Variants in PCSK6 observed in about 807,000 individuals in gnomAD.
PCSK6 encodes the protein proprotein convertase subtilisin/kexin type 6, also known as paired basic amino acid cleaving enzyme 4.
PCSK6 carries 85 observed loss-of-function variants against 123.3 expected under a neutral mutation model. The observed-to-expected ratio is 0.69, with a 90% CI of 0.58 to 0.83. PCSK6 has a LOEUF of 0.83. Ranked by LOEUF, PCSK6 falls within the 40% of genes least tolerant of loss-of-function variation. PCSK6 has a pLI of 0.00. For synonymous variants in PCSK6, 508 were observed against 516.0 expected (o/e 0.98, Z 0.21); for missense variants, 1,191 against 1,282.3 (o/e 0.93, Z 1.09).
chr15:101,419,153 C>G (rs2055993743), intron 6 of PCSK6, among the ~76,000 whole-genome samples: 2 of 151,396 alleles, frequency 1.3e-5, no homozygotes, highest in South Asian at 4.2e-4. Context: ...ATAAAACCAC[C>G]ATTATATTTA....
At chr15:101,347,830 G>T in intron 13 of PCSK6, 1 of 1,449,656 alleles carries the variant, frequency 6.9e-7, no homozygotes, top group Non-Finnish European at 9.7e-7. Flanking sequence ...TTATTGGGAG[G>T]TGCAATCCCA....
intron 4 of PCSK6, among the ~76,000 whole-genome samples, chr15:101,430,431 G>A (rs1424726928): frequency 6.6e-6 from 1 of 152,198 alleles, no homozygotes; most frequent in East Asian, 1.9e-4. Flanking sequence ...GCTACTCCGA[G>A]TCACTCGTGT....
intron 8 of PCSK6, among the ~76,000 whole-genome samples, chr15:101,392,509 C>T (rs772420380): frequency 6.6e-6 from 1 of 151,024 alleles, no homozygotes; most frequent in Non-Finnish European, 1.5e-5. Flanking sequence ...GCTCCACAGT[C>T]TCATTTTTAA....
chr15:101,305,259 T>A lies in PCSK6; in HGVS notation c.2909A>T (p.Ter970LeuextTer64). The change falls in exon 22 of 22, where the codon TAA becomes TTA. Residue 970 changes from the stop codon to leucine, a stop_lost. Transcript: ENST00000611716. The surrounding 1 kb of genome is among the most constrained non-coding windows in gnomAD (Gnocchi z 4.8). ...CCCTCTGTGGGCAGCTAGGCACCCT[T>A]ACCCGGCCAGGAGGCACGTGCGGCA... is the stretch of plus-strand genomic sequence containing the variant. The part of the protein sequence containing the change: ...FCCRTCLLAG[*>L] The A allele has an allele frequency of 6.2e-7, 1 of 1,609,730 alleles. No individual in the cohort carries two copies. Among genetic ancestry groups the A allele is most frequent in the Non-Finnish European group, 8.5e-7 (1 of 1,178,976 alleles).
chr15:101,312,275 C>A, intron 20 of PCSK6: 1 of 151,866 alleles, frequency 6.6e-6, no homozygotes, highest in South Asian at 2.1e-4. Flanking sequence ...GTCCTGAGTT[C>A]ATGATCTCCC....
chr15:101,335,064 A>G (rs1237948756), intron 13 of PCSK6, among the ~76,000 whole-genome samples: 1 of 152,162 alleles, frequency 6.6e-6, no homozygotes, highest in Non-Finnish European at 1.5e-5. Context: ...GGCTCAAGCC[A>G]TCCTCCCACC....
chr15:101,486,287 A>G (rs1005131755), intron 1 of PCSK6, among the ~76,000 whole-genome samples: 10 of 152,118 alleles, frequency 6.6e-5, no homozygotes, highest in Admixed American at 3.3e-4. Flanking sequence ...TCTTCTAAAT[A>G]TTTTATGTTT....
chr15:101,440,049 A>G (rs942460969), intron 2 of PCSK6, among the ~76,000 whole-genome samples: 1 of 152,208 alleles, frequency 6.6e-6, no homozygotes, highest in Non-Finnish European at 1.5e-5. Flanking sequence ...AATCAGAACA[A>G]GTAATTTTAA....
chr15:101,470,871 C>T (rs1441302570), intron 1 of PCSK6, among the ~76,000 whole-genome samples: 1 of 152,166 alleles, frequency 6.6e-6, no homozygotes, highest in Non-Finnish European at 1.5e-5. Flanking sequence ...CCCTTCAATT[C>T]AACAACTCGA....
intron 6 of PCSK6, among the ~76,000 whole-genome samples, chr15:101,421,314 A>G (rs1381229652): frequency 6.6e-6 from 1 of 152,204 alleles, no homozygotes; most frequent in African/African-American, 2.4e-5. Context: ...ATGTGACAAC[A>G]TTTATAAGGA....
chr15:101,413,051 T>C (rs1169144161), intron 6 of PCSK6, among the ~76,000 whole-genome samples: 3 of 148,536 alleles, frequency 2.0e-5, no homozygotes, highest in Non-Finnish European at 3.0e-5. Context: ...GGAAAAAAAG[T>C]AGTGGGGGCT....
At chr15:101,443,864 A>G (rs1259963971) in intron 1 of PCSK6, among the ~76,000 whole-genome samples, 3 of 152,350 alleles carry the variant, frequency 2.0e-5, no homozygotes, top group African/African-American at 7.2e-5. Context: ...ATTTTTAGAT[A>G]AATAACACTA....
chr15:101,444,346 G>A (rs1045008519), intron 1 of PCSK6, among the ~76,000 whole-genome samples: 1 of 152,122 alleles, frequency 6.6e-6, no homozygotes, highest in Non-Finnish European at 1.5e-5. Flanking sequence ...TTGTCCTCAC[G>A]TCTGTCCGGG....
In PCSK6 at chr15:101,463,000, C is replaced by A. The variant is rs189702813; in HGVS notation, c.298-19340G>T. The stretch of plus-strand genomic sequence containing the variant: ...GTGCAGAGGAGGGCCGTTTCCTCCT[C>A]CGTGTTGGGAGAGTTGTCTCTGCAG... On this transcript the variant is annotated intron_variant, in intron 1 of 21. Transcript: ENST00000611716. The A allele has an allele frequency of 2.1e-3, 956 of 458,028 alleles. 9 individuals are homozygous for A. The highest frequency in any genetic ancestry group is 0.017 in the African/African-American group (870 of 49,996). The allele number at this position is 458,028 out of a possible 1,614,324, so 28.4% of individuals were successfully genotyped here. A position where few individuals can be genotyped will look rare whatever the true frequency, so the allele number is the denominator to read the frequency against.
chr15:101,306,901 A>G (rs2039734910), intron 21 of PCSK6, among the ~76,000 whole-genome samples: 1 of 152,192 alleles, frequency 6.6e-6, no homozygotes, highest in Admixed American at 6.5e-5. Flanking sequence ...CATCCGGGCC[A>G]CCGGCGGCCT....
intron 20 of PCSK6, among the ~76,000 whole-genome samples, chr15:101,310,664 C>T (rs181366623): frequency 6.6e-6 from 1 of 152,254 alleles, no homozygotes; most frequent in Non-Finnish European, 1.5e-5. Context: ...TGCCGAGATA[C>T]GTAACCGCCA....
chr15:101,389,737 G>A (rs964946596), intron 8 of PCSK6, among the ~76,000 whole-genome samples, 173 bp from the exon 9 acceptor site: 1 of 152,170 alleles, frequency 6.6e-6, no homozygotes, highest in African/African-American at 2.4e-5. Context: ...CACAACATCT[G>A]GTGCTCCCTG....
intron 7 of PCSK6, among the ~76,000 whole-genome samples, chr15:101,395,114 T>A (rs1308176836): frequency 2.0e-5 from 3 of 152,208 alleles, no homozygotes; most frequent in Admixed American, 2.0e-4. Flanking sequence ...CAGGTGAGAA[T>A]TAGTCCTAGA....
chr15:101,326,692 G>A (rs1367135418), intron 15 of PCSK6, among the ~76,000 whole-genome samples: 6 of 152,218 alleles, frequency 3.9e-5, no homozygotes, highest in African/African-American at 1.4e-4. Flanking sequence ...GTGTCAGTCT[G>A]AGCACTCTAG....
Sources: gnomAD v4.1 joint callset for allele counts (sites outside exome capture counted in the v4.1 genomes callset) on GRCh38, gnomAD v4.1.1 for gene constraint, Gnocchi (gnomAD v3.1) non-coding constraint, MANE v1.5 for transcripts, NCBI Gene and HGNC (gene_info 2026-07-23, HGNC 2026-07-21) for gene names.